STXBP5L: variants seen among roughly 807,000 people sequenced by gnomAD.
STXBP5L encodes the protein syntaxin-binding protein 5-like.
Under a neutral mutation model 144.5 loss-of-function variants are expected in STXBP5L, and 65 were observed. That is an observed-to-expected ratio of 0.45 (90% CI 0.37 to 0.55). The LOEUF is 0.55. STXBP5L is among the 20% of genes least tolerant of loss of function. The pLI is 0.00. For missense variants in STXBP5L, 1,298 were observed against 1,405.5 expected (o/e 0.92, Z 1.22); for synonymous variants, 505 against 469.6 (o/e 1.08, Z -0.97).
intron 20 of STXBP5L, among the ~76,000 whole-genome samples, chr3:121,346,281 C>T (rs1187273444): frequency 6.6e-6 from 1 of 152,032 alleles, no homozygotes; most frequent in Non-Finnish European, 1.5e-5. Context: ...AGGACATGAA[C>T]TCATCATTTT....
intron 2 of STXBP5L, among the ~76,000 whole-genome samples, chr3:120,923,126 G>T (rs1709437104): frequency 6.6e-6 from 1 of 151,734 alleles, no homozygotes; most frequent in African/African-American, 2.4e-5. Context: ...TTTCTAATTT[G>T]TTTGCATACA....
At chr3:121,308,879 A>T (rs1191335961) in intron 19 of STXBP5L, among the ~76,000 whole-genome samples, 1 of 152,178 alleles carries the variant, frequency 6.6e-6, no homozygotes, top group Non-Finnish European at 1.5e-5. Flanking sequence ...GAATACAGCT[A>T]TTAAAAATTA....
chr3:121,203,525 G>C (rs1304402185), intron 9 of STXBP5L, among the ~76,000 whole-genome samples: 1 of 152,100 alleles, frequency 6.6e-6, no homozygotes, highest in African/African-American at 2.4e-5. Context: ...GGAATAGTAA[G>C]AAATATAATT....
rs2047288595 is a variant in STXBP5L, at chr3:121,418,408, G to A, written c.3298G>A (p.Gly1100Arg). ...CATTCCTGGACCAGGTAGTATAGAAGGGATGAAAGGCGCTGCTGGAGGGGT... is the reference window on the plus strand; with the variant it reads ...CATTCCTGGACCAGGTAGTATAGAAAGGATGAAAGGCGCTGCTGGAGGGGT... Reference protein sequence around the residue: ...QHIPGPGSIEGMKGAAGGVMG... With the variant: ...QHIPGPGSIERMKGAAGGVMG... Residue 1100 changes from glycine (G) to arginine (R), a missense_variant, in exon 26 of 27, where the codon GGG becomes AGG. Transcript: ENST00000471454. 1.2e-6 allele frequency: 2 copies of A among 1,614,044 alleles called. No homozygotes were observed. Among genetic ancestry groups the A allele is most frequent in the Non-Finnish European group, 1.7e-6 (2 of 1,179,974 alleles).
intron 19 of STXBP5L, among the ~76,000 whole-genome samples, chr3:121,313,981 C>T (rs2108519890): frequency 6.6e-6 from 1 of 151,090 alleles, no homozygotes; most frequent in South Asian, 2.1e-4. Context: ...AGAGGTGCTC[C>T]CCACATCTCA....
At chr3:121,026,854 T>A (rs375449582) in intron 3 of STXBP5L, among the ~76,000 whole-genome samples, 103 of 151,392 alleles carry the variant, frequency 6.8e-4, no homozygotes, top group South Asian at 4.0e-3. Flanking sequence ...TATTAAAAAA[T>A]ATATATATAT....
At chr3:121,322,297 G>T (rs752074850) in intron 20 of STXBP5L, among the ~76,000 whole-genome samples, 12 of 152,092 alleles carry the variant, frequency 7.9e-5, no homozygotes, top group Non-Finnish European at 1.5e-4. Context: ...TAACCAACAT[G>T]GAGAAACCCA....
chr3:121,352,710 A>G (rs548389271), intron 20 of STXBP5L, among the ~76,000 whole-genome samples: 4 of 152,156 alleles, frequency 2.6e-5, no homozygotes, highest in African/African-American at 9.6e-5. Context: ...CAGAACTTCC[A>G]ACATTATGTT....
chr3:121,351,569 CT>C (rs2045283452), intron 20 of STXBP5L, among the ~76,000 whole-genome samples: 2 of 152,066 alleles, frequency 1.3e-5, no homozygotes, highest in Admixed American at 6.6e-5. Context: ...TGTTTAAGTT[CT>C]TTGTAGATTC....
At chr3:121,177,702 G>A (rs1008596611) in intron 9 of STXBP5L, among the ~76,000 whole-genome samples, 1 of 152,184 alleles carries the variant, frequency 6.6e-6, no homozygotes, top group East Asian at 1.9e-4. Flanking sequence ...TACAGCTTCT[G>A]TGGAAAACAG....
intron 3 of STXBP5L, among the ~76,000 whole-genome samples, chr3:121,001,434 CA>C (rs1943765917): frequency 6.6e-6 from 1 of 152,144 alleles, no homozygotes; most frequent in Non-Finnish European, 1.5e-5. Context: ...GTTTGACAGT[CA>C]AAAAATACCT....
intron 5 of STXBP5L, among the ~76,000 whole-genome samples, chr3:121,073,406 C>T (rs1261311061): frequency 6.6e-6 from 1 of 152,170 alleles, no homozygotes; most frequent in Non-Finnish European, 1.5e-5. Flanking sequence ...AATTATTAAC[C>T]TTTGTCCAAA....
At chr3:121,188,892 C>T (rs1374472132) in intron 9 of STXBP5L, among the ~76,000 whole-genome samples, 6 of 152,150 alleles carry the variant, frequency 3.9e-5, no homozygotes, top group Non-Finnish European at 7.4e-5. Context: ...CCTTTGAAAA[C>T]TGGCACAAGA....
intron 3 of STXBP5L, among the ~76,000 whole-genome samples, chr3:120,967,242 C>T (rs374656791): frequency 3.3e-5 from 5 of 152,282 alleles, no homozygotes; most frequent in African/African-American, 1.2e-4. Flanking sequence ...TTTCCCCTCC[C>T]CTTGCACTTC....
chr3:121,213,023 G>A (rs1439185612), intron 10 of STXBP5L, among the ~76,000 whole-genome samples: 2 of 152,096 alleles, frequency 1.3e-5, no homozygotes, highest in Non-Finnish European at 2.9e-5. Context: ...TCTGTTATTG[G>A]TGTATAGGAA....
intron 10 of STXBP5L, among the ~76,000 whole-genome samples, chr3:121,218,034 TATATA>T (rs1303051546): frequency 6.9e-6 from 1 of 144,066 alleles, no homozygotes; most frequent in South Asian, 2.1e-4. Flanking sequence ...TATAATATAC[TATATA>T]ATATACTATA....
chr3:120,953,008 C>G (rs1711370317), intron 2 of STXBP5L, among the ~76,000 whole-genome samples: 1 of 151,742 alleles, frequency 6.6e-6, no homozygotes, highest in African/African-American at 2.4e-5. Context: ...CTATCTTGCC[C>G]AGGGTGGTAT....
At chr3:121,295,628 C>T (rs777809152) in intron 19 of STXBP5L, among the ~76,000 whole-genome samples, 8 of 152,062 alleles carry the variant, frequency 5.3e-5, no homozygotes, top group African/African-American at 9.7e-5. Flanking sequence ...GTAATCTCAT[C>T]GTGAGTCAGA....
At chr3:121,324,705 T>C (rs1367107435) in intron 20 of STXBP5L, 30 of 550,608 alleles carry the variant, frequency 5.4e-5, no homozygotes, top group Admixed American at 3.2e-4. Flanking sequence ...CACAAGTCCT[T>C]CATGGTGTAT....
Sources: allele counts gnomAD v4.1 joint callset (sites outside exome capture counted in the v4.1 genomes callset), GRCh38; gene constraint gnomAD v4.1.1; transcripts MANE v1.5; gene names NCBI Gene and HGNC (gene_info 2026-07-23, HGNC 2026-07-21).